BCAR3: variants seen among roughly 807,000 people sequenced by gnomAD.
BCAR3 encodes BCAR3 adaptor protein, NSP family member, also known as breast cancer anti-estrogen resistance protein 3.
A neutral mutation model predicts 80.1 loss-of-function variants in BCAR3; 37 were observed. That is an observed-to-expected ratio of 0.46 (90% CI 0.36 to 0.61). BCAR3 has a LOEUF of 0.61. Ranked by LOEUF, BCAR3 falls within the 20% of genes least tolerant of loss-of-function variation. The pLI, the probability that BCAR3 is intolerant of heterozygous loss-of-function variation, is 0.00. For missense variants in BCAR3, 978 were observed against 1,068.2 expected, an observed-to-expected ratio of 0.92 and a Z score of 1.18; for synonymous variants, 389 against 418.9, an observed-to-expected ratio of 0.93 and a Z score of 0.87.
intron 2 of BCAR3, among the ~76,000 whole-genome samples, chr1:93,711,320 C>T (rs116579781): frequency 1.0e-3 from 152 of 152,248 alleles, no homozygotes; most frequent in Admixed American, 3.3e-3. Flanking sequence ...TGGTATGGGT[C>T]CAAATGGCCT....
intron 2 of BCAR3, among the ~76,000 whole-genome samples, chr1:93,769,945 G>C (rs964061384): frequency 8.5e-5 from 13 of 152,104 alleles, no homozygotes; most frequent in African/African-American, 2.9e-4. Context: ...CAGGATGTCA[G>C]ATAAAACCCT....
At chr1:93,569,986 T>C (rs1196089438) in intron 9 of BCAR3, among the ~76,000 whole-genome samples, 1 of 152,188 alleles carries the variant, frequency 6.6e-6, no homozygotes, top group Non-Finnish European at 1.5e-5. Flanking sequence ...TTAAAATACC[T>C]GAATGAAAAA....
chr1:93,704,936 G>T (rs879723273), intron 3 of BCAR3, among the ~76,000 whole-genome samples: 2 of 152,310 alleles, frequency 1.3e-5, no homozygotes, highest in African/African-American at 4.8e-5. Flanking sequence ...CTAAGAGTTA[G>T]TTGCTCCAAA....
At chr1:93,818,082 A>T (rs1301494317) in intron 2 of BCAR3, among the ~76,000 whole-genome samples, 8 of 152,154 alleles carry the variant, frequency 5.3e-5, no homozygotes, top group African/African-American at 1.9e-4. Context: ...TGGTACTCTT[A>T]ATACTGCTGA....
At chr1:93,596,684 C>T (rs1424619547) in intron 3 of BCAR3, among the ~76,000 whole-genome samples, 2 of 152,216 alleles carry the variant, frequency 1.3e-5, no homozygotes, top group Non-Finnish European at 2.9e-5. Context: ...ATCACATTAT[C>T]TAGTAATACA....
chr1:93,834,807 C>G (rs772190110), intron 2 of BCAR3, among the ~76,000 whole-genome samples: 1 of 152,226 alleles, frequency 6.6e-6, no homozygotes, highest in Non-Finnish European at 1.5e-5. Flanking sequence ...GAGTCTCCCA[C>G]AATTACCATT....
intron 2 of BCAR3, chr1:93,753,052 T>G (rs1339366679): frequency 6.6e-6 from 1 of 152,242 alleles, no homozygotes; most frequent in African/African-American, 2.4e-5. Flanking sequence ...TAATGCTATT[T>G]ACTTGTATTG....
chr1:93,674,728 C>G lies in BCAR3; in HGVS notation c.203G>C (p.Ser68Thr). Residue 68 changes from serine to threonine, a missense_variant, in exon 2 of 12, where the codon AGT (serine) becomes ACT (threonine). Transcript: ENST00000260502. Reference sequence around the variant, plus strand: ...GGAGTGGGGGAGGGTGCCCATGTGACTGAAGTCATCACAGGACCTTATGGG... The same window carrying G: ...GGAGTGGGGGAGGGTGCCCATGTGAGTGAAGTCATCACAGGACCTTATGGG... Reference protein sequence around the residue: ...PPPIRSCDDFSHMGTLPHSKS... With the variant: ...PPPIRSCDDFTHMGTLPHSKS... 6.2e-7 allele frequency: 1 copy of G among 1,613,932 alleles called. No individual in the cohort carries two copies. The highest frequency in any genetic ancestry group is 8.5e-7 in the Non-Finnish European group (1 of 1,179,972).
At chr1:93,662,613 C>G (rs1199753146) in intron 2 of BCAR3, among the ~76,000 whole-genome samples, 1 of 152,074 alleles carries the variant, frequency 6.6e-6, no homozygotes, top group East Asian at 1.9e-4. Flanking sequence ...AGCGTGCTTC[C>G]TGTATTATCA....
rs185403889 is a variant in BCAR3 at position 93,666,822 on chromosome 1, G to A, written c.317+7792C>T. ...GTTGGCCAAGGCTCATTGCTGTAGG[G>A]CAGGCTCAGATAGAGGGATTCCAGC... is the stretch of plus-strand genomic sequence containing the variant. On this transcript the variant is annotated intron_variant, in intron 2 of 11. Coordinates refer to ENST00000260502, the MANE Select transcript of BCAR3 (RefSeq NM_003567.4). Among the ~76,000 whole-genome samples the A allele has an allele frequency of 1.3e-3, 201 of 152,278 alleles. 1 individual carries two copies. Among genetic ancestry groups the A allele is most frequent in the African/African-American group, 4.7e-3 (195 of 41,550 alleles).
At chr1:93,682,530 T>TC (rs1447292440), upstream of BCAR3, among the ~76,000 whole-genome samples, 1 of 152,004 alleles carries the variant, frequency 6.6e-6, no homozygotes, top group Non-Finnish European at 1.5e-5. Context: ...ATCAACTGAA[T>TC]CCCCCCATCC....
At chr1:93,747,590 T>C (rs12129080) in intron 2 of BCAR3, among the ~76,000 whole-genome samples, 15,179 of 151,578 alleles carry the variant, frequency 0.1, 1,221 homozygotes, top group East Asian at 0.19. Flanking sequence ...TCATTAGTGC[T>C]CACCTGCCCT....
rs376016266 is a variant in BCAR3, at chr1:93,827,880, T to C, written c.-63+17687A>G. ...GCTGAGTACCTCAAACTAAAAGAGA[T>C]TGGAAGGCCTCAGAAGCAGCCCCAG... On this transcript the variant is annotated intron_variant, in intron 2 of 13. Coordinates refer to the BCAR3 transcript ENST00000370244. Among the ~76,000 whole-genome samples the C allele has an allele frequency of 2.6e-4, 40 of 151,894 alleles. 3 individuals carry two copies. The highest frequency in any genetic ancestry group is 1.2e-3 in the Admixed American group (19 of 15,256).
chr1:93,736,717 A>G (rs1004775274), intron 2 of BCAR3, among the ~76,000 whole-genome samples: 1 of 152,226 alleles, frequency 6.6e-6, no homozygotes, highest in African/African-American at 2.4e-5. Context: ...TGGCCTCGTC[A>G]CTGGATTTTG....
intron 2 of BCAR3, among the ~76,000 whole-genome samples, chr1:93,796,365 G>A (rs1429728981): frequency 2.8e-5 from 4 of 143,708 alleles, no homozygotes; most frequent in East Asian, 4.2e-4. Context: ...GTGGTGCGCC[G>A]TTTTTTAAGC....
chr1:93,777,666 C>T (rs1652623255), intron 2 of BCAR3, among the ~76,000 whole-genome samples: 2 of 152,138 alleles, frequency 1.3e-5, no homozygotes, highest in Non-Finnish European at 2.9e-5. Flanking sequence ...CTCAAACAAT[C>T]CTCCTGCCTT....
chr1:93,567,204 C>A, intron 11 of BCAR3, 75 bp downstream of exon 11: 1 of 1,535,024 alleles, frequency 6.5e-7, no homozygotes, highest in Non-Finnish European at 8.9e-7. Flanking sequence ...TAAGTGAAGT[C>A]AGCCATGCTC....
At chr1:93,655,987 G>A (rs191660176) in intron 2 of BCAR3, among the ~76,000 whole-genome samples, 18 of 152,284 alleles carry the variant, frequency 1.2e-4, no homozygotes, top group Admixed American at 1.1e-3. Flanking sequence ...CTTCGTGCAG[G>A]ACATTCTCTG....
rs1182431963 is a variant in BCAR3, at chr1:93,561,956, TA to T, written c.*284del. The T allele has an allele frequency of 3.8e-6, 1 of 262,394 alleles. No homozygotes were observed. Among genetic ancestry groups the T allele is most frequent in the Admixed American group, 5.1e-5 (1 of 19,590 alleles). 16.3% of individuals were successfully genotyped at this position (262,394 alleles called of 1,614,324 possible). A position where few individuals can be genotyped will look rare whatever the true frequency, so the allele number is the denominator to read the frequency against. ...CTAAAATGGTCAAATACCATGATAATAGAAAGCAACCAGCCAACATAGCTAG... is the reference window on the plus strand; with the variant it reads ...CTAAAATGGTCAAATACCATGATAATGAAAGCAACCAGCCAACATAGCTAG... On this transcript the variant is annotated 3_prime_UTR_variant, in exon 12 of 12. Coordinates refer to ENST00000260502, the MANE Select transcript of BCAR3 (RefSeq NM_003567.4).
Sources: gnomAD v4.1 joint callset for allele counts (sites outside exome capture counted in the v4.1 genomes callset) on GRCh38, gnomAD v4.1.1 for gene constraint, MANE v1.5 for transcripts, NCBI Gene and HGNC (gene_info 2026-07-23, HGNC 2026-07-21) for gene names.